Variants in PPP3R1 observed in about 807,000 individuals in gnomAD.
The protein encoded by PPP3R1 is protein phosphatase 3 regulatory subunit B, alpha, also known as calcineurin subunit B type 1.
In PPP3R1, 5 loss-of-function variants were observed where a neutral mutation model predicts 22.6. The ratio of observed to expected loss-of-function variants is 0.22; its 90% CI spans 0.12 to 0.46. PPP3R1 has a LOEUF of 0.46. PPP3R1 is among the 20% of genes least tolerant of loss of function. PPP3R1 has a pLI of 0.99. For synonymous variants in PPP3R1, 56 were observed against 65.2 expected, an observed-to-expected ratio of 0.86 and a Z score of 0.68; for missense variants, 61 against 203.2, an observed-to-expected ratio of 0.30 and a Z score of 4.25.
chr2:68,201,016 T>G (rs952973899), intron 2 of PPP3R1, among the ~76,000 whole-genome samples: 3 of 152,186 alleles, frequency 2.0e-5, no homozygotes, highest in African/African-American at 7.2e-5. Context: ...CTTAAAGATA[T>G]ACTGTTTATT....
At chr2:68,226,253 C>A (rs888242776) in intron 1 of PPP3R1, among the ~76,000 whole-genome samples, 11 of 152,106 alleles carry the variant, frequency 7.2e-5, no homozygotes, top group Non-Finnish European at 1.6e-4. Flanking sequence ...GTGGTGATTA[C>A]AAAACTATAT....
chr2:68,227,879 G>A (rs1669817219), intron 1 of PPP3R1, among the ~76,000 whole-genome samples: 1 of 151,926 alleles, frequency 6.6e-6, no homozygotes, highest in African/African-American at 2.4e-5. Flanking sequence ...TAGATTTCTT[G>A]AAAATTTTCT....
In PPP3R1 at chr2:68,195,656, GTCTT is replaced by G. The variant is rs1292237199; in HGVS notation, c.44-6970_44-6967del. 2.0e-5 allele frequency among the ~76,000 whole-genome samples: 3 copies of G among 151,870 alleles called. No individual in the cohort carries two copies. The East Asian group carries it at 5.8e-4, about 29-fold the overall frequency. On this transcript the variant is annotated intron_variant, in intron 2 of 5. Coordinates refer to ENST00000234310, the MANE Select transcript of PPP3R1 (RefSeq NM_000945.4). The stretch of plus-strand genomic sequence containing the variant: ...TGCCTAATGAAAAATTTCTTTTCCC[GTCTT>G]TCTTTCTACATTAATTGGGATGCTC...
intron 1 of PPP3R1, among the ~76,000 whole-genome samples, chr2:68,235,398 A>C (rs1669999741): frequency 6.6e-6 from 1 of 152,156 alleles, no homozygotes; most frequent in African/African-American, 2.4e-5. Context: ...CTAAGTAATC[A>C]CAAATCTACT....
At position 68,186,457 on chromosome 2, in the gene PPP3R1, T is replaced by C; in HGVS notation, c.465+11A>G. 6.3e-7 allele frequency: 1 copy of C among 1,599,154 alleles called. No individual in the cohort carries two copies. Among genetic ancestry groups the C allele is most frequent in the Non-Finnish European group, 8.5e-7 (1 of 1,170,372 alleles). On this transcript the variant is annotated intron_variant, in intron 5 of 5. Coordinates refer to ENST00000234310, the MANE Select transcript of PPP3R1 (RefSeq NM_000945.4). ...CATAACTAACGGAAGAACCAGCTCTTTTGTACTTACAGCACAGAATTCTTC... is the reference window on the plus strand; with the variant it reads ...CATAACTAACGGAAGAACCAGCTCTCTTGTACTTACAGCACAGAATTCTTC...
chr2:68,236,260 A>C (rs1419280327), intron 1 of PPP3R1, among the ~76,000 whole-genome samples: 1 of 152,098 alleles, frequency 6.6e-6, no homozygotes, highest in African/African-American at 2.4e-5. Context: ...ATGCGTTTGT[A>C]AAGTTTTATT....
At chr2:68,201,267 A>T (rs1674969835) in intron 2 of PPP3R1, among the ~76,000 whole-genome samples, 1 of 152,134 alleles carries the variant, frequency 6.6e-6, no homozygotes, top group Admixed American at 6.5e-5. Context: ...TTTAAAAAAA[A>T]TTATATTTCC....
intron 2 of PPP3R1, among the ~76,000 whole-genome samples, chr2:68,215,330 C>A (rs1437001243): frequency 1.3e-5 from 2 of 151,996 alleles, no homozygotes; most frequent in Non-Finnish European, 2.9e-5. Context: ...AAAACCCCCC[C>A]CAAAATTCAA....
At chr2:68,196,060 G>A (rs1449993629) in intron 2 of PPP3R1, among the ~76,000 whole-genome samples, 1 of 151,924 alleles carries the variant, frequency 6.6e-6, no homozygotes, top group Non-Finnish European at 1.5e-5. Context: ...TCCAATACAG[G>A]ATCCCGGAAT....
intron 1 of PPP3R1, 40 bp downstream of exon 1, chr2:68,252,085 T>A: frequency 7.2e-7 from 1 of 1,381,842 alleles, no homozygotes; most frequent in Non-Finnish European, 9.6e-7. Context: ...ACGGCGGCAG[T>A]AGGGGGAGGG....
intron 2 of PPP3R1, among the ~76,000 whole-genome samples, chr2:68,195,981 T>TC (rs1674759015): frequency 6.6e-6 from 1 of 151,972 alleles, no homozygotes; most frequent in African/African-American, 2.4e-5. Flanking sequence ...GACACGATTC[T>TC]CCAATCTCTT....
rs147418686 is a variant in PPP3R1, at chr2:68,188,280, TC to T, written c.220+233del. Among the ~76,000 whole-genome samples the T allele has an allele frequency of 2.1e-3, 326 of 152,170 alleles. 5 individuals are homozygous for T. In the East Asian group the frequency reaches 0.059, roughly 28 times the overall value. ...TTCTAAAAAGAAAGGAAATACTGAGTCCCCCCTGCTTTTTGGTAGATTATCC... is the reference window on the plus strand; with the variant it reads ...TTCTAAAAAGAAAGGAAATACTGAGTCCCCCTGCTTTTTGGTAGATTATCC... On this transcript the variant is annotated intron_variant, in intron 3 of 5. Coordinates refer to ENST00000234310, the MANE Select transcript of PPP3R1 (RefSeq NM_000945.4).
At chr2:68,186,437 C>T in intron 5 of PPP3R1, 31 bp downstream of exon 5, 2 of 1,553,208 alleles carry the variant, frequency 1.3e-6, no homozygotes, top group Non-Finnish European at 1.7e-6. Context: ...TGAAACATAA[C>T]TAACGGAAGA....
chr2:68,245,315 T>C (rs929230319), intron 1 of PPP3R1, among the ~76,000 whole-genome samples: 2 of 152,088 alleles, frequency 1.3e-5, no homozygotes, highest in African/African-American at 4.8e-5. Flanking sequence ...TAAGCTGAGA[T>C]CGCACCACCG....
chr2:68,191,589 A>G (rs975086578), intron 2 of PPP3R1, among the ~76,000 whole-genome samples: 3 of 152,218 alleles, frequency 2.0e-5, no homozygotes, highest in African/African-American at 7.2e-5. Flanking sequence ...GCATTACTCA[A>G]TGCAACTCGT....
At chr2:68,243,290 T>C (rs906123508) in intron 1 of PPP3R1, among the ~76,000 whole-genome samples, 4 of 152,140 alleles carry the variant, frequency 2.6e-5, no homozygotes, top group African/African-American at 7.2e-5. Flanking sequence ...TTTATCAAAA[T>C]GTTATTCCTG....
chr2:68,243,789 G>A (rs753899466), intron 1 of PPP3R1, among the ~76,000 whole-genome samples: 1 of 152,028 alleles, frequency 6.6e-6, no homozygotes, highest in African/African-American at 2.4e-5. Flanking sequence ...ATTGTAATGA[G>A]TAAACTATGA....
chr2:68,215,865 T>C (rs1437543909), intron 2 of PPP3R1, among the ~76,000 whole-genome samples: 2 of 152,060 alleles, frequency 1.3e-5, no homozygotes, highest in African/African-American at 4.8e-5. Flanking sequence ...AAAACTACCA[T>C]GTATATGAAC....
In PPP3R1 at chr2:68,240,779, A is replaced by T. The variant is rs115551330; in HGVS notation, c.3+11346T>A. ...GGAAGGGACAGAAGTAAGCAGATGA[A>T]GAATTCATGGAGTCTTTTAGGCTAT... On this transcript the variant is annotated intron_variant, in intron 1 of 5. Coordinates refer to ENST00000234310, the MANE Select transcript of PPP3R1 (RefSeq NM_000945.4). 8.0e-3 allele frequency among the ~76,000 whole-genome samples: 1,219 copies of T among 152,330 alleles called. 11 individuals carry two copies. The highest frequency in any genetic ancestry group is 0.028 in the African/African-American group (1,172 of 41,566).
Sources: allele counts gnomAD v4.1 joint callset (sites outside exome capture counted in the v4.1 genomes callset), GRCh38; gene constraint gnomAD v4.1.1; transcripts MANE v1.5; gene names NCBI Gene and HGNC (gene_info 2026-07-23, HGNC 2026-07-21).